SYN3: variants seen among roughly 807,000 people sequenced by gnomAD.
SYN3 encodes the protein synapsin III.
In SYN3, 35 loss-of-function variants were observed where a neutral mutation model predicts 65.8. The ratio of observed to expected loss-of-function variants is 0.53; its 90% CI spans 0.41 to 0.70. The LOEUF is 0.70. SYN3 is among the 30% of genes least tolerant of loss of function. The pLI is 0.00. For missense variants in SYN3, 680 were observed against 749.0 expected (o/e 0.91, Z 1.08); for synonymous variants, 270 against 292.9 (o/e 0.92, Z 0.80).
chr22:32,691,398 T>C (rs2060659684), intron 6 of SYN3, among the ~76,000 whole-genome samples: 1 of 151,938 alleles, frequency 6.6e-6, no homozygotes, highest in African/African-American at 2.4e-5. Flanking sequence ...TGGGAAGGAG[T>C]AGCCAGGGAC....
intron 10 of SYN3, 92 bp downstream of exon 10, chr22:32,533,701 C>G: frequency 1.2e-6 from 1 of 860,960 alleles, no homozygotes; most frequent in South Asian, 1.5e-5. Context: ...CAGGACACAG[C>G]TGATGGTGCC....
intron 6 of SYN3, among the ~76,000 whole-genome samples, chr22:32,625,859 G>A (rs2146781036): frequency 6.6e-6 from 1 of 152,308 alleles, no homozygotes; most frequent in Admixed American, 6.5e-5. Context: ...ATTTTTGGAT[G>A]CTTAGTCTTA....
At chr22:32,776,552 C>T (rs1388934383) in intron 6 of SYN3, among the ~76,000 whole-genome samples, 1 of 152,156 alleles carries the variant, frequency 6.6e-6, no homozygotes, top group Non-Finnish European at 1.5e-5. Flanking sequence ...GGCACCTGTG[C>T]CAGGCTTTGA....
At chr22:32,531,317 G>T (rs952609316) in intron 10 of SYN3, among the ~76,000 whole-genome samples, 2 of 151,934 alleles carry the variant, frequency 1.3e-5, no homozygotes, top group Non-Finnish European at 2.9e-5. Flanking sequence ...GGAGTCTGCC[G>T]CGAAGGTACA....
At chr22:32,949,085 G>A (rs1179528217) in intron 3 of SYN3, among the ~76,000 whole-genome samples, 1 of 152,088 alleles carries the variant, frequency 6.6e-6, no homozygotes, top group Non-Finnish European at 1.5e-5. Flanking sequence ...ATGCTCCAGT[G>A]AGCATTTCCT....
At chr22:32,928,332 AAAAAAAAG>A (rs1358444697) in intron 4 of SYN3, among the ~76,000 whole-genome samples, 1 of 152,154 alleles carries the variant, frequency 6.6e-6, no homozygotes, top group African/African-American at 2.4e-5. Context: ...TCCGTCTCAA[AAAAAAAAG>A]AAAAAAAGAA....
At chr22:32,759,095 G>T (rs1449620098) in intron 6 of SYN3, among the ~76,000 whole-genome samples, 1 of 152,114 alleles carries the variant, frequency 6.6e-6, no homozygotes, top group Non-Finnish European at 1.5e-5. Context: ...TTTAAGCCCT[G>T]TATTCAGTTG....
At chr22:32,770,469 C>T (rs1162597511) in intron 6 of SYN3, among the ~76,000 whole-genome samples, 1 of 152,158 alleles carries the variant, frequency 6.6e-6, no homozygotes, top group Non-Finnish European at 1.5e-5. Context: ...TCTGCCTCTC[C>T]TCGTCACTCT....
intron 11 of SYN3, among the ~76,000 whole-genome samples, chr22:32,528,528 C>G (rs1490035048): frequency 6.6e-6 from 1 of 152,202 alleles, no homozygotes; most frequent in East Asian, 1.9e-4. Flanking sequence ...TCCATATGCT[C>G]TCGCACACGC....
At chr22:32,652,992 G>C (rs546220023) in intron 6 of SYN3, among the ~76,000 whole-genome samples, 2 of 152,176 alleles carry the variant, frequency 1.3e-5, no homozygotes, top group African/African-American at 2.4e-5. Flanking sequence ...TTCATTGCAC[G>C]TGTTTTTTTC....
chr22:33,005,086 T>C (rs1245501764), intron 2 of SYN3, among the ~76,000 whole-genome samples: 1 of 152,168 alleles, frequency 6.6e-6, no homozygotes, highest in East Asian at 1.9e-4. Context: ...AAGAGGTGCC[T>C]TCCACCATAA....
intron 6 of SYN3, among the ~76,000 whole-genome samples, chr22:32,724,212 C>T (rs951415997): frequency 1.3e-5 from 2 of 152,010 alleles, no homozygotes; most frequent in African/African-American, 4.8e-5. Context: ...TGCCTTCCAT[C>T]CATTCACCTC....
chr22:32,937,655 AC>A (rs924742579), intron 3 of SYN3, among the ~76,000 whole-genome samples: 5 of 151,952 alleles, frequency 3.3e-5, no homozygotes, highest in Non-Finnish European at 5.9e-5. Context: ...ATCATTAGAA[AC>A]CACCCCCATG....
chr22:32,931,453 G>C lies in SYN3; in HGVS notation c.398C>G (p.Ala133Gly), dbSNP rs1211094610. 1 of 1,613,972 alleles carries C rather than the reference G, an allele frequency of 6.2e-7. No individual in the cohort carries two copies. ...QAEFSELNLA[A>G]YVTGGCMVDM... ...CACCATGCAGCCCCCGGTCACATAG[G>C]CAGCTAGGTTCAACTCTGAGAATTC... The change falls in exon 4 of 14, where the codon GCC (alanine) becomes GGC (glycine). Residue 133 changes from alanine (A) to glycine (G), a missense_variant. Physicochemically the swap from Ala to Gly is moderately conservative, Grantham distance 60. Coordinates refer to ENST00000358763, the MANE Select transcript of SYN3 (RefSeq NM_003490.4).
intron 7 of SYN3, among the ~76,000 whole-genome samples, chr22:32,580,080 G>C (rs1396582836): frequency 6.6e-6 from 1 of 152,260 alleles, no homozygotes; most frequent in Non-Finnish European, 1.5e-5. Context: ...GCCTAGGCGG[G>C]GAGGGGAGCT....
At chr22:32,531,978 G>A (rs1394991296) in intron 10 of SYN3, among the ~76,000 whole-genome samples, 3 of 150,744 alleles carry the variant, frequency 2.0e-5, no homozygotes, top group Non-Finnish European at 2.9e-5. Flanking sequence ...CAGGAAGCCT[G>A]AGCCCATGAA....
chr22:32,745,405 G>T (rs757768908), intron 6 of SYN3, among the ~76,000 whole-genome samples: 32 of 152,328 alleles, frequency 2.1e-4, no homozygotes, highest in Non-Finnish European at 4.4e-4. Context: ...GGGGGTGGAG[G>T]GGGTGGATGG....
intron 6 of SYN3, among the ~76,000 whole-genome samples, chr22:32,751,996 G>A (rs1476364231): frequency 3.3e-5 from 5 of 152,182 alleles, no homozygotes; most frequent in East Asian, 3.8e-4. Context: ...TAGGTTGTTC[G>A]TTTATTATCT....
At position 32,510,370 on chromosome 22, in the gene SYN3, C is replaced by T. The variant is rs1334275914; in HGVS notation, c.*3322G>A. Among the ~76,000 whole-genome samples, 1 of 152,208 alleles carries T rather than the reference C, an allele frequency of 6.6e-6. No individual in the cohort carries two copies. The highest frequency in any genetic ancestry group is 1.5e-5 in the Non-Finnish European group (1 of 68,036). On this transcript the variant is annotated 3_prime_UTR_variant, in exon 14 of 14. Transcript: ENST00000358763. ...CTTTGTAACTAGCTCTGCCCATGGC[C>T]GTGGCCCACAGGTTGAGAAACTTTG...
Sources: gnomAD v4.1 joint callset for allele counts (sites outside exome capture counted in the v4.1 genomes callset) on GRCh38, gnomAD v4.1.1 for gene constraint, MANE v1.5 for transcripts, NCBI Gene and HGNC (gene_info 2026-07-23, HGNC 2026-07-21) for gene names.